FBXW4: variants seen among roughly 807,000 people sequenced by gnomAD.
FBXW4 encodes F-box/WD repeat-containing protein 4.
In FBXW4, 40 loss-of-function variants were observed where a neutral mutation model predicts 61.8. That is an observed-to-expected ratio of 0.65 (90% CI 0.50 to 0.84). FBXW4 has a LOEUF of 0.84. Ranked by LOEUF, FBXW4 falls within the 40% of genes least tolerant of loss-of-function variation. FBXW4 has a pLI of 0.00. For missense variants in FBXW4, 672 were observed against 753.8 expected (o/e 0.89, Z 1.27); for synonymous variants, 311 against 313.8 (o/e 0.99, Z 0.10).
At chr10:101,637,012 G>A (rs552672337) in intron 5 of FBXW4, among the ~76,000 whole-genome samples, 4 of 152,212 alleles carry the variant, frequency 2.6e-5, no homozygotes, top group East Asian at 1.9e-4. Context: ...AGGGATTAAT[G>A]GAGCAAGGTT....
At chr10:101,634,928 C>T (rs2063988574) in intron 5 of FBXW4, among the ~76,000 whole-genome samples, 1 of 149,302 alleles carries the variant, frequency 6.7e-6, no homozygotes, top group Admixed American at 6.7e-5. Context: ...CAGAAGACAT[C>T]AAAAACAACA....
Position 101,694,790 on chromosome 10 carries a change from C to A in FBXW4, c.316G>T (p.Ala106Ser), listed in dbSNP as rs2064658916. 4 of 1,340,862 alleles carry A rather than the reference C, an allele frequency of 3.0e-6. No homozygotes were observed. The highest frequency in any genetic ancestry group is 2.7e-4 in the Middle Eastern group (1 of 3,770). The allele number at this position is 1,340,862 out of a possible 1,614,324, so 83.1% of individuals were successfully genotyped here. Reference sequence around the variant, plus strand: ...CCTTGTGCCTCCTTCCCGGCCCCTGCGCTCCCCTCGACTCCCTTGACGATG... The same window carrying A: ...CCTTGTGCCTCCTTCCCGGCCCCTGAGCTCCCCTCGACTCCCTTGACGATG... ...RGIVKGVEGS[A>S]GAGKEAQGRE... The change falls in exon 1 of 9, where the codon GCA becomes TCA. Residue 106 changes from alanine (A) to serine (S), a missense_variant. By Grantham distance (99) the Ala-to-Ser change is moderately conservative. This residue lies in a region of FBXW4 where 311 missense variants were observed against 301.1 expected (regional missense o/e 1.03). Coordinates refer to ENST00000331272, the MANE Select transcript of FBXW4 (RefSeq NM_022039.4). The surrounding 1 kb of genome is among the most constrained non-coding windows in gnomAD (Gnocchi z 6.0).
intron 6 of FBXW4, among the ~76,000 whole-genome samples, chr10:101,619,723 G>A (rs563209573): frequency 6.6e-6 from 1 of 151,604 alleles, no homozygotes; most frequent in South Asian, 2.1e-4. Flanking sequence ...TTTAGGCAAC[G>A]GCTGTGTGCC....
At chr10:101,659,721 G>C (rs933725275) in intron 5 of FBXW4, among the ~76,000 whole-genome samples, 4 of 152,204 alleles carry the variant, frequency 2.6e-5, no homozygotes, top group African/African-American at 9.6e-5. Flanking sequence ...AGATCTGGGA[G>C]AATAGCTTTA....
chr10:101,639,143 CT>C (rs2064029219), intron 5 of FBXW4, among the ~76,000 whole-genome samples: 1 of 152,216 alleles, frequency 6.6e-6, no homozygotes, highest in Non-Finnish European at 1.5e-5. Context: ...TGGAGGAAGC[CT>C]GGGCAGGCCA....
chr10:101,651,031 C>A (rs1382346319), intron 5 of FBXW4, among the ~76,000 whole-genome samples: 1 of 152,140 alleles, frequency 6.6e-6, no homozygotes, highest in Non-Finnish European at 1.5e-5. Flanking sequence ...GATGCCTCTG[C>A]CTGGAAAAAA....
rs2064019503 is a variant in FBXW4 at position 101,638,013 on chromosome 10, G to A, written c.1236-13203C>T. On this transcript the variant is annotated intron_variant, in intron 5 of 8. Transcript: ENST00000331272. ...ATTGTACACACTGTTTGCGGGTATAGAACCTGATACGGTCTAACTGGAAGG... is the reference window on the plus strand; with the variant it reads ...ATTGTACACACTGTTTGCGGGTATAAAACCTGATACGGTCTAACTGGAAGG... Among the ~76,000 whole-genome samples the A allele has an allele frequency of 2.6e-5, 4 of 152,190 alleles. No individual in the cohort carries two copies. In the South Asian group the frequency reaches 8.3e-4, roughly 31 times the overall value.
At chr10:101,673,075 C>T (rs1165376974) in intron 3 of FBXW4, 28 bp from the exon 4 acceptor site, 1 of 1,605,250 alleles carries the variant, frequency 6.2e-7, no homozygotes, top group Non-Finnish European at 8.5e-7. Context: ...AGCCGACCCC[C>T]AAGAACCAAT....
chr10:101,664,233 A>G (rs2064274172), intron 5 of FBXW4, among the ~76,000 whole-genome samples: 2 of 152,234 alleles, frequency 1.3e-5, no homozygotes, highest in Admixed American at 1.3e-4. Flanking sequence ...GAGTACATAC[A>G]TAAGAAGATA....
Position 101,637,730 on chromosome 10 carries a change from A to G in FBXW4, c.1236-12920T>C, listed in dbSNP as rs2064017138. ...AAAAAAAAAAAAAAAAAAGGTCACT[A>G]TGAGGTTTGTATAGCCAAAATTACC... On this transcript the variant is annotated intron_variant, in intron 5 of 8. Transcript: ENST00000331272. Among the ~76,000 whole-genome samples the G allele has an allele frequency of 2.0e-5, 3 of 147,618 alleles. No individual in the cohort carries two copies. The South Asian group carries it at 6.4e-4, about 32-fold the overall frequency.
intron 1 of FBXW4, among the ~76,000 whole-genome samples, chr10:101,686,489 T>G (rs1175663658): frequency 3.9e-5 from 6 of 152,276 alleles, no homozygotes; most frequent in South Asian, 2.1e-4. Flanking sequence ...TGCGGATTTT[T>G]GGGGGGCAGG....
chr10:101,616,467 C>T (rs2063827133), intron 6 of FBXW4, among the ~76,000 whole-genome samples: 1 of 152,204 alleles, frequency 6.6e-6, no homozygotes, highest in Admixed American at 6.5e-5. Flanking sequence ...ATCCAACTAA[C>T]AAATCAAAAT....
intron 6 of FBXW4, among the ~76,000 whole-genome samples, chr10:101,619,587 A>C (rs1394775000): frequency 6.6e-6 from 1 of 150,528 alleles, no homozygotes; most frequent in Non-Finnish European, 1.5e-5. Context: ...TGAACCCGGG[A>C]GGCGGAGTTT....
At chr10:101,679,705 C>T (rs1003049962) in intron 1 of FBXW4, among the ~76,000 whole-genome samples, 1 of 152,148 alleles carries the variant, frequency 6.6e-6, no homozygotes, top group Non-Finnish European at 1.5e-5. Flanking sequence ...TATGCTTTTA[C>T]ATATTTTCTA....
intron 5 of FBXW4, among the ~76,000 whole-genome samples, chr10:101,664,940 TC>T (rs2064284031): frequency 6.6e-6 from 1 of 152,186 alleles, no homozygotes. Flanking sequence ...GAAATAGTAT[TC>T]ATATTTAATA....
chr10:101,693,887 T>C (rs765144676), intron 1 of FBXW4, among the ~76,000 whole-genome samples: 3 of 152,254 alleles, frequency 2.0e-5, no homozygotes, highest in Non-Finnish European at 4.4e-5. Flanking sequence ...CGAGGGCTTC[T>C]CTTAAGGTCC....
At chr10:101,678,849 G>A (rs1420528630) in intron 1 of FBXW4, among the ~76,000 whole-genome samples, 1 of 152,128 alleles carries the variant, frequency 6.6e-6, no homozygotes, top group South Asian at 2.1e-4. Flanking sequence ...GAATGGTTTT[G>A]GCAGGCAGAA....
intron 5 of FBXW4, among the ~76,000 whole-genome samples, chr10:101,653,883 G>C (rs1439786854): frequency 6.6e-6 from 1 of 152,018 alleles, no homozygotes; most frequent in Non-Finnish European, 1.5e-5. Flanking sequence ...AGCACTTTAG[G>C]AGGCCAAGGC....
intron 5 of FBXW4, chr10:101,660,045 A>T: frequency 1.0e-6 from 1 of 977,344 alleles, no homozygotes; most frequent in Non-Finnish European, 1.2e-6. Context: ...AATGGACTGC[A>T]CCCTTTCCTA....
Sources: gnomAD v4.1 joint callset for allele counts (sites outside exome capture counted in the v4.1 genomes callset) on GRCh38, gnomAD v4.1.1 for gene constraint, gnomAD v4.1.1 regional missense constraint, Gnocchi (gnomAD v3.1) non-coding constraint, MANE v1.5 for transcripts, NCBI Gene and HGNC (gene_info 2026-07-23, HGNC 2026-07-21) for gene names.